Variants in SPATA13 observed in about 807,000 individuals in gnomAD.
SPATA13 encodes spermatogenesis associated 13, also known as spermatogenesis-associated protein 13.
In SPATA13, 50 loss-of-function variants were observed where a neutral mutation model predicts 104.0. The observed-to-expected ratio is 0.48, with a 90% CI of 0.38 to 0.61. The LOEUF (loss-of-function observed/expected upper bound fraction) is 0.61, where lower values mean the gene tolerates loss of function less well. Among genes scored for constraint, SPATA13 ranks in the 20% least tolerant of loss-of-function variants. SPATA13 has a pLI of 0.00. For missense variants in SPATA13, 1,524 were observed against 1,690.6 expected, an observed-to-expected ratio of 0.90 and a Z score of 1.73; for synonymous variants, 606 against 667.5, an observed-to-expected ratio of 0.91 and a Z score of 1.42.
intron 4 of SPATA13, among the ~76,000 whole-genome samples, chr13:24,281,097 G>A (rs1303962465): frequency 1.3e-5 from 2 of 152,096 alleles, no homozygotes; most frequent in Non-Finnish European, 2.9e-5. Context: ...CTCCTGAGGC[G>A]CCAGGCCCTG....
chr13:24,036,964 C>G (rs186135560), intron 3 of SPATA13, among the ~76,000 whole-genome samples: 1 of 151,490 alleles, frequency 6.6e-6, no homozygotes, highest in Non-Finnish European at 1.5e-5. Context: ...TTAGTAGAGA[C>G]GGGGTTTGAC....
intron 3 of SPATA13, among the ~76,000 whole-genome samples, chr13:24,250,095 G>C (rs1240104622): frequency 6.6e-6 from 1 of 152,114 alleles, no homozygotes; most frequent in African/African-American, 2.4e-5. Context: ...TTTGCTGTTT[G>C]TTTCTGAATA....
At chr13:24,301,362 C>A (rs1301180206) in intron 12 of SPATA13, among the ~76,000 whole-genome samples, 6 of 152,342 alleles carry the variant, frequency 3.9e-5, no homozygotes, top group Admixed American at 3.9e-4. Flanking sequence ...ACTTAACACT[C>A]CCCTGCTTTC....
At chr13:24,029,288 A>G (rs2137712988) in intron 3 of SPATA13, among the ~76,000 whole-genome samples, 1 of 152,284 alleles carries the variant, frequency 6.6e-6, no homozygotes, top group Middle Eastern at 3.4e-3. Context: ...TACAGAAATA[A>G]TTTTTGTTTG....
intron 4 of SPATA13, among the ~76,000 whole-genome samples, chr13:24,271,185 T>C (rs1288318865): frequency 6.6e-6 from 1 of 152,106 alleles, no homozygotes; most frequent in African/African-American, 2.4e-5. Flanking sequence ...GTTTTGTTTA[T>C]GGCACAGTTG....
intron 3 of SPATA13, among the ~76,000 whole-genome samples, chr13:24,086,877 C>A (rs1222219230): frequency 1.8e-4 from 28 of 152,078 alleles, no homozygotes; most frequent in Admixed American, 1.8e-3. Context: ...CAGAGTGGAG[C>A]AGCGAGGTCA....
At chr13:24,054,780 A>G (rs1048975985) in intron 3 of SPATA13, among the ~76,000 whole-genome samples, 1 of 152,224 alleles carries the variant, frequency 6.6e-6, no homozygotes, top group East Asian at 1.9e-4. Context: ...TCACTTGTAT[A>G]TAAAATGGAG....
intron 4 of SPATA13, chr13:24,252,677 T>C (rs922093944): frequency 3.9e-5 from 6 of 152,228 alleles, no homozygotes; most frequent in African/African-American, 1.4e-4. Flanking sequence ...GTTTTTGTTG[T>C]TATGTTAAAA....
At chr13:24,236,078 C>T (rs12867597) in intron 2 of SPATA13, among the ~76,000 whole-genome samples, 2,226 of 152,154 alleles carry the variant, frequency 0.015, 20 homozygotes, top group Middle Eastern at 0.048. Flanking sequence ...GGGGTGGGGT[C>T]GGGCCTGCAG....
intron 2 of SPATA13, among the ~76,000 whole-genome samples, chr13:24,237,377 CAAAAA>C (rs200472890): frequency 6.6e-6 from 1 of 151,500 alleles, no homozygotes; most frequent in African/African-American, 2.4e-5. Context: ...CAAAACAAAA[CAAAAA>C]AAACATGCTG....
chr13:24,110,918 C>CTT (rs1555262211), intron 3 of SPATA13, among the ~76,000 whole-genome samples: 4 of 151,930 alleles, frequency 2.6e-5, no homozygotes, highest in African/African-American at 9.7e-5. Flanking sequence ...TTGATTATCT[C>CTT]TTTTTATTTT....
intron 3 of SPATA13, among the ~76,000 whole-genome samples, chr13:24,147,970 C>A (rs571670266): frequency 6.6e-6 from 1 of 152,302 alleles, no homozygotes; most frequent in African/African-American, 2.4e-5. Flanking sequence ...TATGTATACA[C>A]CACATTTTTT....
At chr13:23,991,677 G>A (rs1434666573) in intron 2 of SPATA13, among the ~76,000 whole-genome samples, 1 of 152,124 alleles carries the variant, frequency 6.6e-6, no homozygotes, top group Non-Finnish European at 1.5e-5. Context: ...GTGAAAAATT[G>A]TTCAAGAAGT....
At position 24,284,466 on chromosome 13, in the gene SPATA13, G is replaced by A. The variant is rs573496347; in HGVS notation, c.2301+195G>A. ...ATTAGTGGTCAAGAGTTTAAGACCC[G>A]CCTGGCCAACATAGTGAAACCCTGT... On this transcript the variant is annotated intron_variant, in intron 5 of 12. Coordinates refer to ENST00000382108, the MANE Select transcript of SPATA13 (RefSeq NM_001166271.3). 3.3e-5 allele frequency among the ~76,000 whole-genome samples: 5 copies of A among 152,220 alleles called. No homozygotes were observed. In the South Asian group the frequency reaches 6.2e-4, roughly 19 times the overall value.
intron 2 of SPATA13, among the ~76,000 whole-genome samples, chr13:24,008,400 G>C (rs1876324262): frequency 6.6e-6 from 1 of 152,144 alleles, no homozygotes; most frequent in Non-Finnish European, 1.5e-5. Flanking sequence ...GGGGCTGGCT[G>C]ATCTTGACGC....
chr13:24,270,719 A>T, intron 4 of SPATA13: 1 of 1,523,196 alleles, frequency 6.6e-7, no homozygotes, highest in Non-Finnish European at 8.8e-7. Flanking sequence ...GGGAACGCAT[A>T]CAACGTCAAA....
At chr13:24,233,813 G>A (rs1872415085) in intron 2 of SPATA13, among the ~76,000 whole-genome samples, 1 of 151,980 alleles carries the variant, frequency 6.6e-6, no homozygotes, top group African/African-American at 2.4e-5. Flanking sequence ...GACCCCCTGG[G>A]ATGCAAGCCA....
intron 3 of SPATA13, among the ~76,000 whole-genome samples, chr13:24,059,656 C>A (rs1253473836): frequency 2.0e-5 from 3 of 152,162 alleles, no homozygotes; most frequent in Non-Finnish European, 2.9e-5. Context: ...TAAGTGTGTC[C>A]ATTTTATAAT....
chr13:24,271,031 T>TCTCTCTCTCC, intron 4 of SPATA13: 1 of 718,848 alleles, frequency 1.4e-6, no homozygotes, highest in South Asian at 1.5e-5. Flanking sequence ...ACTCTCTCTC[T>TCTCTCTCTCC]CTCTCTCTCA....
Sources: allele counts gnomAD v4.1 joint callset (sites outside exome capture counted in the v4.1 genomes callset), GRCh38; gene constraint gnomAD v4.1.1; transcripts MANE v1.5; gene names NCBI Gene and HGNC (gene_info 2026-07-23, HGNC 2026-07-21).